EPAS1: variants seen among roughly 807,000 people sequenced by gnomAD.
EPAS1 encodes the protein endothelial PAS domain protein 1.
In EPAS1, 23 loss-of-function variants were observed where a neutral mutation model predicts 87.9. The observed-to-expected ratio is 0.26, with a 90% CI of 0.19 to 0.37. The LOEUF (loss-of-function observed/expected upper bound fraction) is 0.37. EPAS1 is among the 10% of genes least tolerant of loss of function. EPAS1 has a pLI of 1.00. For synonymous variants in EPAS1, 508 were observed against 444.3 expected (o/e 1.14, Z -1.80); for missense variants, 1,138 against 1,120.7 (o/e 1.02, Z -0.22).
intron 1 of EPAS1, among the ~76,000 whole-genome samples, chr2:46,330,033 C>T (rs773622343): frequency 4.6e-5 from 7 of 152,224 alleles, no homozygotes; most frequent in Non-Finnish European, 8.8e-5. Flanking sequence ...AACTGCTGAA[C>T]ATTCTGATTG....
intron 1 of EPAS1, among the ~76,000 whole-genome samples, chr2:46,322,029 G>A (rs1422749395): frequency 6.6e-6 from 1 of 152,128 alleles, no homozygotes; most frequent in African/African-American, 2.4e-5. Flanking sequence ...ACTGATTTGG[G>A]TGATGTATAG....
intron 6 of EPAS1, among the ~76,000 whole-genome samples, 187 bp downstream of exon 6, chr2:46,361,277 G>A (rs1434271277): frequency 6.6e-6 from 1 of 152,128 alleles, no homozygotes; most frequent in African/African-American, 2.4e-5. Context: ...TGTATTTGGT[G>A]GTCTCCCATT....
chr2:46,373,193 G>C (rs1389374084), intron 7 of EPAS1, among the ~76,000 whole-genome samples: 1 of 152,100 alleles, frequency 6.6e-6, no homozygotes, highest in African/African-American at 2.4e-5. Context: ...TAAAAGATTA[G>C]ACAAGATGAT....
chr2:46,371,885 A>G lies in EPAS1; in HGVS notation c.886+1952A>G, dbSNP rs997316515. On this transcript the variant is annotated intron_variant, in intron 7 of 15. Transcript: ENST00000263734. The surrounding 1 kb of genome is among the most constrained non-coding windows in gnomAD (Gnocchi z 4.3). ...AAATTTCTGGGAATTCTTGGAGGAC[A>G]GTATTACCTTTTATCTTGTAGGATG... Among the ~76,000 whole-genome samples the G allele has an allele frequency of 1.8e-4, 28 of 152,218 alleles. No individual in the cohort carries two copies. Among genetic ancestry groups the G allele is most frequent in the African/African-American group, 6.8e-4 (28 of 41,462 alleles).
rs188632988 is a variant in EPAS1 at position 46,371,801 on chromosome 2, G to A, written c.886+1868G>A. On this transcript the variant is annotated intron_variant, in intron 7 of 15. Transcript: ENST00000263734. The surrounding 1 kb of genome is among the most constrained non-coding windows in gnomAD (Gnocchi z 4.3). The stretch of plus-strand genomic sequence containing the variant: ...TTCCTGACTTTAGATGTAAAACTGG[G>A]GAAAAGTCTAGCCTTCCTTCCAAGC... Among the ~76,000 whole-genome samples the A allele has an allele frequency of 1.1e-3, 170 of 152,296 alleles. No individual in the cohort carries two copies. Among genetic ancestry groups the A allele is most frequent in the African/African-American group, 4.1e-3 (169 of 41,552 alleles).
Position 46,347,787 on chromosome 2 carries a change from C to T in EPAS1, c.217+724C>T, listed in dbSNP as rs996299849. The stretch of plus-strand genomic sequence containing the variant: ...CTTCAAGAAACCATTTCCTATGCGT[C>T]CTGACCAGAAACAGGTGTCTTGAGT... On this transcript the variant is annotated intron_variant, in intron 2 of 15. Transcript: ENST00000263734. This position sits in a 1 kb window ranked among gnomAD's most constrained non-coding sequence, Gnocchi z 4.2. Among the ~76,000 whole-genome samples the T allele has an allele frequency of 6.6e-6, 1 of 152,168 alleles. No individual in the cohort carries two copies. Among genetic ancestry groups the T allele is most frequent in the Non-Finnish European group, 1.5e-5 (1 of 68,034 alleles).
Position 46,386,474 on chromosome 2 carries a change from CTGTG to C in EPAS1, c.*1820_*1823del, listed in dbSNP as rs1235066829. On this transcript the variant is annotated 3_prime_UTR_variant, in exon 16 of 16. Transcript: ENST00000263734. ...CGTGTAAATGCTGGTATTTGATTTCCTGTGTGTGTTGCCCTGGCATTAAGGGCAT... is the reference window on the plus strand; with the variant it reads ...CGTGTAAATGCTGGTATTTGATTTCCTGTGTTGCCCTGGCATTAAGGGCAT... 2 of 152,626 alleles carry C rather than the reference CTGTG, an allele frequency of 1.3e-5. No homozygotes were observed. The highest frequency in any genetic ancestry group is 2.9e-5 in the Non-Finnish European group (2 of 68,036). The allele number at this position is 152,626 out of a possible 1,614,324, so 9.5% of individuals were successfully genotyped here.
intron 1 of EPAS1, among the ~76,000 whole-genome samples, chr2:46,330,442 A>C (rs1041050581): frequency 3.9e-5 from 6 of 152,184 alleles, no homozygotes; most frequent in African/African-American, 1.2e-4. Flanking sequence ...AGTGTAGCTT[A>C]TCTTTTAAAA....
chr2:46,310,107 C>T (rs1046480886), intron 1 of EPAS1, among the ~76,000 whole-genome samples: 3 of 152,186 alleles, frequency 2.0e-5, no homozygotes, highest in African/African-American at 7.2e-5. Flanking sequence ...TAATAAACGC[C>T]ATGTCTGAGT....
At chr2:46,298,552 T>C (rs1027531103) in intron 1 of EPAS1, among the ~76,000 whole-genome samples, 4 of 152,148 alleles carry the variant, frequency 2.6e-5, no homozygotes, top group Admixed American at 6.5e-5. Flanking sequence ...ACCTTGACTC[T>C]GGGGAGAGTA....
At chr2:46,382,122 G>A (rs767973882) in intron 14 of EPAS1, 33 bp downstream of exon 14, 2 of 1,597,470 alleles carry the variant, frequency 1.3e-6, no homozygotes, top group Admixed American at 1.7e-5. Flanking sequence ...GGCCTCCTGG[G>A]GGTTCTGGTG....
chr2:46,299,637 T>C (rs963546596), intron 1 of EPAS1, among the ~76,000 whole-genome samples: 2 of 152,312 alleles, frequency 1.3e-5, no homozygotes, highest in East Asian at 1.9e-4. Flanking sequence ...CTATCGGGAA[T>C]GTGGCAATCG....
At chr2:46,307,301 T>G (rs184255525) in intron 1 of EPAS1, among the ~76,000 whole-genome samples, 98 of 152,272 alleles carry the variant, frequency 6.4e-4, no homozygotes, top group Non-Finnish European at 6.5e-4. Flanking sequence ...AGCAGTGTGG[T>G]GTTGCTGGAC....
rs750239808 is a variant in EPAS1 at position 46,375,791 on chromosome 2, C to T, written c.988C>T (p.Arg330Cys). The change falls in exon 8 of 16, where the codon CGC becomes TGC. Residue 330 changes from arginine to cysteine, a missense_variant. Physicochemically the swap from Arg to Cys is radical, Grantham distance 180 (BLOSUM62 -3). Coordinates refer to ENST00000263734, the MANE Select transcript of EPAS1 (RefSeq NM_001430.5). The surrounding 1 kb of genome is among the most constrained non-coding windows in gnomAD (Gnocchi z 4.1). ...CCAGGGGACGGTCATCTACAACCCT[C>T]GCAACCTGCAGCCCCAGTGCATCAT... ...ETQGTVIYNP[R>C]NLQPQCIMCV... 13 of 1,614,118 alleles carry T rather than the reference C, an allele frequency of 8.1e-6. No homozygotes were observed. The highest frequency in any genetic ancestry group is 1.7e-5 in the Admixed American group (1 of 60,010).
intron 2 of EPAS1, among the ~76,000 whole-genome samples, chr2:46,354,387 A>C (rs760418729): frequency 6.6e-6 from 1 of 152,114 alleles, no homozygotes; most frequent in African/African-American, 2.4e-5. Context: ...GCACTGGATA[A>C]ATACAAATTT....
chr2:46,357,584 G>A (rs1009285245), intron 4 of EPAS1, among the ~76,000 whole-genome samples: 1 of 152,210 alleles, frequency 6.6e-6, no homozygotes, highest in African/African-American at 2.4e-5. Context: ...GTTGGTTAGA[G>A]CATGTTACAG....
At chr2:46,376,865 GC>G (rs761252285) in intron 9 of EPAS1, 112 bp downstream of exon 9, 5 of 1,115,594 alleles carry the variant, frequency 4.5e-6, no homozygotes, top group South Asian at 1.3e-5. Context: ...AGCTACCCCA[GC>G]CCCCCAAGTC....
In EPAS1 at chr2:46,376,597, C is replaced by A. The variant is rs747282981; in HGVS notation, c.1093C>A (p.Pro365Thr). 4 of 1,614,046 alleles carry A rather than the reference C, an allele frequency of 2.5e-6. No individual in the cohort carries two copies. The highest frequency in any genetic ancestry group is 3.4e-6 in the Non-Finnish European group (4 of 1,180,032). ...SMDQTESLFK[P>T]HLMAMNSIFD... ...GGACCAGACTGAATCCCTGTTCAAG[C>A]CCCACCTGATGGCCATGAACAGCAT... The change falls in exon 9 of 16, where the codon CCC becomes ACC. Residue 365 changes from proline to threonine, a missense_variant. By Grantham distance (38) the Pro-to-Thr change is conservative. Coordinates refer to ENST00000263734, the MANE Select transcript of EPAS1 (RefSeq NM_001430.5).
intron 6 of EPAS1, among the ~76,000 whole-genome samples, chr2:46,361,617 C>A (rs527888391): frequency 5.3e-5 from 8 of 152,190 alleles, no homozygotes; most frequent in Admixed American, 1.3e-4. Context: ...AGATGCTAAC[C>A]CCCCAGTGCC....
Sources: allele counts gnomAD v4.1 joint callset (sites outside exome capture counted in the v4.1 genomes callset), GRCh38; gene constraint gnomAD v4.1.1; non-coding constraint Gnocchi (gnomAD v3.1); transcripts MANE v1.5; gene names NCBI Gene and HGNC (gene_info 2026-07-23, HGNC 2026-07-21).